The following SRFBP1 variants were observed in gnomAD, a reference collection of about 807,000 sequenced individuals.
SRFBP1 encodes serum response factor binding protein 1, also known as serum response factor-binding protein 1.
A neutral mutation model predicts 45.5 loss-of-function variants in SRFBP1; 47 were observed. That is an observed-to-expected ratio of 1.03 (90% CI 0.82 to 1.32). SRFBP1 has a LOEUF of 1.32. SRFBP1 is among the 40% of genes most tolerant of loss of function. The pLI, the probability that SRFBP1 is intolerant of heterozygous loss-of-function variation, is 0.00. For missense variants in SRFBP1, 621 were observed against 484.6 expected (o/e 1.28, Z -2.64); for synonymous variants, 203 against 166.3 (o/e 1.22, Z -1.70).
intron 7 of SRFBP1, among the ~76,000 whole-genome samples, chr5:122,024,655 C>G (rs1350933028): frequency 6.6e-6 from 1 of 152,182 alleles, no homozygotes; most frequent in Admixed American, 6.5e-5. Flanking sequence ...AAACTATATT[C>G]TGATTGTATG....
Position 122,074,049 on chromosome 5 carries a change from G to A in SRFBP1, n.312-1266G>A, listed in dbSNP as rs751459592. 1.5e-5 allele frequency: 24 copies of A among 1,614,030 alleles called. No individual in the cohort carries two copies. The highest frequency in any genetic ancestry group is 2.0e-5 in the Non-Finnish European group (24 of 1,179,922). ...CAGTACATGCAAATCGCCTGTGGTA[G>A]CCATAGTCACAGGATGTGTCTTCAA... On this transcript the variant is annotated intron_variant and non_coding_transcript_variant, in intron 2 of 2. Coordinates refer to the SRFBP1 transcript ENST00000504881.
intron 1 of SRFBP1, 106 bp downstream of exon 1, chr5:121,962,174 T>C (rs949650131): frequency 9.9e-6 from 14 of 1,419,952 alleles, no homozygotes; most frequent in Non-Finnish European, 1.3e-5. Flanking sequence ...GGAGGAACTT[T>C]CGTGGTGGGC....
At position 122,020,796 on chromosome 5, in the gene SRFBP1, C is replaced by G; in HGVS notation, c.1061C>G (p.Ser354Cys). Reference sequence around the variant, plus strand: ...CACTCTTTATCTGGATCTAAAAGCTCTAGAAGGTAAGATTCTTTTTCTATT... The same window carrying G: ...CACTCTTTATCTGGATCTAAAAGCTGTAGAAGGTAAGATTCTTTTTCTATT... Reference protein sequence around the residue: ...FFHSLSGSKSSRRNFKEQAPK... With the variant: ...FFHSLSGSKSCRRNFKEQAPK... Residue 354 changes from serine to cysteine, a missense_variant, in exon 6 of 8, where the codon TCT (serine) becomes TGT (cysteine). Transcript: ENST00000339397. The G allele has an allele frequency of 1.3e-6, 2 of 1,550,990 alleles. No individual in the cohort carries two copies. The highest frequency in any genetic ancestry group is 1.7e-6 in the Non-Finnish European group (2 of 1,156,114).
intron 2 of SRFBP1, among the ~76,000 whole-genome samples, chr5:122,046,069 T>G (rs1298620990): frequency 6.6e-6 from 1 of 152,128 alleles, no homozygotes; most frequent in East Asian, 1.9e-4. Context: ...AATTATACTT[T>G]AAGTTTTAGG....
intron 2 of SRFBP1, among the ~76,000 whole-genome samples, chr5:122,056,427 A>T (rs932785743): frequency 6.6e-6 from 1 of 152,172 alleles, no homozygotes; most frequent in African/African-American, 2.4e-5. Flanking sequence ...TTTGACAAGC[A>T]CTCAGTAAAT....
chr5:121,994,933 T>C (rs1752690796), intron 4 of SRFBP1, among the ~76,000 whole-genome samples: 1 of 152,062 alleles, frequency 6.6e-6, no homozygotes, highest in Non-Finnish European at 1.5e-5. Flanking sequence ...ATTAGTCTGC[T>C]GATCATACTA....
exon 3 of SRFBP1, chr5:122,075,331 G>C: frequency 7.5e-7 from 1 of 1,341,914 alleles, no homozygotes; most frequent in East Asian, 2.4e-5. Context: ...AATAAGACTT[G>C]CATTTGTGAT....
chr5:122,077,605 A>C, downstream of SRFBP1: 2 of 1,612,408 alleles, frequency 1.2e-6, no homozygotes, highest in Non-Finnish European at 1.7e-6. The surrounding 1 kb of genome is among the most constrained non-coding windows in gnomAD (Gnocchi z 4.9). Context: ...TCGAGTAGCC[A>C]GCTTGGAACC....
chr5:121,991,228 T>C (rs1000811413), intron 3 of SRFBP1, among the ~76,000 whole-genome samples: 17 of 152,126 alleles, frequency 1.1e-4, no homozygotes, highest in Non-Finnish European at 7.3e-5. Flanking sequence ...CATAATCAAT[T>C]TGATATGTAA....
At chr5:122,008,886 T>G (rs748265119) in intron 4 of SRFBP1, among the ~76,000 whole-genome samples, 1 of 152,202 alleles carries the variant, frequency 6.6e-6, no homozygotes, top group Admixed American at 6.5e-5. Context: ...TCCTTTCACC[T>G]TTATTTTCTT....
chr5:121,965,708 T>C (rs1483711421), intron 1 of SRFBP1, among the ~76,000 whole-genome samples: 1 of 152,220 alleles, frequency 6.6e-6, no homozygotes, highest in Non-Finnish European at 1.5e-5. Context: ...TTAAAGTAGT[T>C]TTTTCCAATT....
intron 4 of SRFBP1, among the ~76,000 whole-genome samples, chr5:122,012,585 A>G (rs910476498): frequency 1.3e-5 from 2 of 152,140 alleles, no homozygotes; most frequent in African/African-American, 4.8e-5. Flanking sequence ...CAAATTACTA[A>G]CATGTCATCA....
intron 4 of SRFBP1, among the ~76,000 whole-genome samples, chr5:122,008,738 T>C (rs550248020): frequency 2.0e-5 from 3 of 152,320 alleles, no homozygotes; most frequent in Middle Eastern, 6.8e-3. Context: ...TGTTCTGCCA[T>C]CTTGCTGACA....
downstream of SRFBP1, chr5:122,077,225 C>G: frequency 1.3e-6 from 2 of 1,500,122 alleles, no homozygotes; most frequent in Non-Finnish European, 1.8e-6. The surrounding 1 kb of genome is among the most constrained non-coding windows in gnomAD (Gnocchi z 4.9). Flanking sequence ...AGGGCTGCCA[C>G]TGCAGGCGCG....
chr5:122,032,650 A>T (rs776381867), downstream of SRFBP1, among the ~76,000 whole-genome samples: 20 of 152,246 alleles, frequency 1.3e-4, no homozygotes, highest in Non-Finnish European at 2.8e-4. Context: ...GGGTAAATGT[A>T]TAAGAATTTA....
intron 2 of SRFBP1, among the ~76,000 whole-genome samples, chr5:122,035,252 A>G (rs2112724441): frequency 6.6e-6 from 1 of 152,138 alleles, no homozygotes; most frequent in South Asian, 2.1e-4. Context: ...TCAGGCCTAC[A>G]TCCTCAACAG....
At chr5:122,022,296 A>G (rs950040562) in intron 6 of SRFBP1, 74 bp from the exon 7 acceptor site, 5 of 1,323,150 alleles carry the variant, frequency 3.8e-6, no homozygotes, top group South Asian at 1.3e-5. Context: ...TTTATCATCA[A>G]TTTTGTTATG....
chr5:121,995,424 C>T (rs941198006), intron 4 of SRFBP1, among the ~76,000 whole-genome samples: 2 of 151,970 alleles, frequency 1.3e-5, no homozygotes, highest in African/African-American at 4.8e-5. Flanking sequence ...GCTGGGTACA[C>T]AACGAAATGA....
At chr5:122,078,884 A>G (rs1754719982), downstream of SRFBP1, among the ~76,000 whole-genome samples, 1 of 152,270 alleles carries the variant, frequency 6.6e-6, no homozygotes, top group Non-Finnish European at 1.5e-5. Context: ...TTGTACAGGG[A>G]ACAAAGCCAG....
Sources: gnomAD v4.1 joint callset for allele counts (sites outside exome capture counted in the v4.1 genomes callset) on GRCh38, gnomAD v4.1.1 for gene constraint, Gnocchi (gnomAD v3.1) non-coding constraint, MANE v1.5 for transcripts, NCBI Gene and HGNC (gene_info 2026-07-23, HGNC 2026-07-21) for gene names.